The following TAS1R2 variants were observed in gnomAD, a reference collection of about 807,000 sequenced individuals.
The protein encoded by TAS1R2 is taste 1 receptor member 2, also known as taste receptor type 1 member 2.
In TAS1R2, 47 loss-of-function variants were observed where a neutral mutation model predicts 49.3. The ratio of observed to expected loss-of-function variants is 0.95; its 90% CI spans 0.75 to 1.22. The LOEUF (loss-of-function observed/expected upper bound fraction) is 1.22, where lower values mean the gene tolerates loss of function less well. Ranked by LOEUF, TAS1R2 falls within the 50% of genes most tolerant of loss-of-function variation. The probability of loss-of-function intolerance (pLI) is 0.00; values close to 1 mark genes in which losing one functional copy is unlikely to be tolerated. For synonymous variants in TAS1R2, 479 were observed against 467.9 expected, an observed-to-expected ratio of 1.02 and a Z score of -0.31; for missense variants, 1,155 against 1,122.1, an observed-to-expected ratio of 1.03 and a Z score of -0.42.
intron 1 of TAS1R2, 154 bp downstream of exon 1, chr1:18,859,325 T>C: frequency 1.1e-6 from 1 of 948,360 alleles, no homozygotes; most frequent in Non-Finnish European, 1.6e-6. Flanking sequence ...CCCTGAGGAC[T>C]AGGGGCATGG....
chr1:18,857,764 C>G (rs1934167842), intron 1 of TAS1R2, 133 bp from the exon 2 acceptor site: 1 of 1,018,156 alleles, frequency 9.8e-7, no homozygotes, highest in Middle Eastern at 2.5e-4. Flanking sequence ...CTCCAGAAGA[C>G]TCGGGCATTT....
intron 3 of TAS1R2, 87 bp from the exon 4 acceptor site, chr1:18,849,637 C>A: frequency 6.9e-7 from 1 of 1,444,874 alleles, no homozygotes; most frequent in Admixed American, 1.8e-5. Context: ...TTCTACCATT[C>A]CATTAGCCTT....
chr1:18,858,103 CCAT>C (rs1470871179), intron 1 of TAS1R2, among the ~76,000 whole-genome samples: 1 of 151,898 alleles, frequency 6.6e-6, no homozygotes, highest in Admixed American at 6.6e-5. Flanking sequence ...ATCATCACCA[CCAT>C]CACCACCACC....
exon 6 of TAS1R2, chr1:18,840,251 C>G: frequency 1.2e-6 from 2 of 1,613,964 alleles, no homozygotes; most frequent in Non-Finnish European, 1.7e-6. Context: ...CTTGGGCGGC[C>G]CCACGTACAC....
At chr1:18,840,199 G>A (rs1180318514) in exon 6 of TAS1R2, 2 of 1,614,244 alleles carry the variant, frequency 1.2e-6, no homozygotes, top group South Asian at 1.1e-5. Context: ...AGATTGTGAA[G>A]CAGAGGGGAA....
At chr1:18,839,975 A>C (rs902844862) in exon 6 of TAS1R2, 2 of 1,613,926 alleles carry the variant, frequency 1.2e-6, no homozygotes, top group Non-Finnish European at 1.7e-6. Flanking sequence ...GACAATTGTG[A>C]TCTTGGGGTC....
chr1:18,858,557 C>G (rs1446632348), intron 1 of TAS1R2: 2 of 152,426 alleles, frequency 1.3e-5, no homozygotes, highest in African/African-American at 4.8e-5. Flanking sequence ...CTGCCATCAT[C>G]ATCACTACCA....
intron 3 of TAS1R2, among the ~76,000 whole-genome samples, chr1:18,850,801 C>G (rs1479857282): frequency 6.6e-6 from 1 of 152,226 alleles, no homozygotes; most frequent in Non-Finnish European, 1.5e-5. Context: ...TTTCCCCTTC[C>G]CCATCTAGCC....
rs34447754 is a variant in TAS1R2 at position 18,854,521 on chromosome 1, G to A, written c.949C>T (p.Arg317Cys). 7 of 1,613,644 alleles carry A rather than the reference G, an allele frequency of 4.3e-6. No homozygotes were observed. In the Admixed American group the frequency reaches 5.0e-5, roughly 12 times the overall value. The change falls in exon 3 of 6, where the codon CGC (arginine) becomes TGC (cysteine). Residue 317 changes from arginine to cysteine, a missense_variant. Coordinates refer to ENST00000375371, the Ensembl canonical transcript of TAS1R2. The surrounding 1 kb of genome is among the most constrained non-coding windows in gnomAD (Gnocchi z 4.9). ...ATGCCCAGGAAGGTGCCCAAGTGGC[G>A]CAGCTCCGTGAGGTTGTGCAGGACC...
intron 4 of TAS1R2, among the ~76,000 whole-genome samples, chr1:18,843,166 G>A (rs562252321): frequency 3.8e-4 from 58 of 152,308 alleles, no homozygotes; most frequent in Non-Finnish European, 7.3e-5. Flanking sequence ...CCACATGGAA[G>A]TTGTTCATCT....
rs767559928 is a variant in TAS1R2 at position 18,854,993 on chromosome 1, G to C, written c.484-7C>G. On this transcript the variant is annotated splice_polypyrimidine_tract_variant and splice_region_variant and intron_variant, in intron 2 of 5. Coordinates refer to ENST00000375371, the Ensembl canonical transcript of TAS1R2. The surrounding 1 kb of genome is among the most constrained non-coding windows in gnomAD (Gnocchi z 4.9). The stretch of plus-strand genomic sequence containing the variant: ...TGATGGCGCTGTAGGTGATCTGCAA[G>C]GGGAAGGGCTGTGGCATGAGCGAGT... 6.3e-7 allele frequency: 1 copy of C among 1,599,672 alleles called. No homozygotes were observed. Among genetic ancestry groups the C allele is most frequent in the Admixed American group, 1.7e-5 (1 of 59,760 alleles).
rs201051478 is a variant in TAS1R2 at position 18,857,411 on chromosome 1, C to T, written c.403G>A (p.Val135Met). 1.9e-6 allele frequency: 3 copies of T among 1,614,210 alleles called. No homozygotes were observed. In the Admixed American group the frequency reaches 5.0e-5, roughly 27 times the overall value. The change falls in exon 2 of 6, where the codon GTG (valine) becomes ATG (methionine). Residue 135 changes from valine to methionine, a missense_variant. Coordinates refer to ENST00000375371, the Ensembl canonical transcript of TAS1R2. ...TTGTCAGGGCCAATGACAGCCACCA[C>T]ACGGGAAATGTAGTTACTGTAGTCC...
chr1:18,840,587 C>A (rs1466088795), intron 5 of TAS1R2, 60 bp from the exon 6 acceptor site: 16 of 1,583,556 alleles, frequency 1.0e-5, no homozygotes, highest in Admixed American at 1.7e-5. Flanking sequence ...CTGCATCCTC[C>A]CAGCCCTGCA....
chr1:18,844,494 G>T (rs1277667599), intron 4 of TAS1R2, among the ~76,000 whole-genome samples: 1 of 152,204 alleles, frequency 6.6e-6, no homozygotes, highest in Non-Finnish European at 1.5e-5. Context: ...GCTCATGCTT[G>T]TAATCTCAGC....
intron 2 of TAS1R2, among the ~76,000 whole-genome samples, chr1:18,855,571 TC>T (rs1283862711): frequency 6.6e-6 from 1 of 152,062 alleles, no homozygotes; most frequent in Non-Finnish European, 1.5e-5. Flanking sequence ...CCAGCTGCTC[TC>T]CCCCTCCCTT....
intron 3 of TAS1R2, among the ~76,000 whole-genome samples, chr1:18,853,488 A>G (rs1029286668): frequency 1.3e-5 from 2 of 152,172 alleles, no homozygotes; most frequent in African/African-American, 2.4e-5. Context: ...GAGCAAACTA[A>G]TTTGTTCTGT....
At chr1:18,844,175 G>C (rs1450001712) in intron 4 of TAS1R2, among the ~76,000 whole-genome samples, 1 of 152,194 alleles carries the variant, frequency 6.6e-6, no homozygotes, top group African/African-American at 2.4e-5. Flanking sequence ...GGGAGATACT[G>C]CTTGTATGTG....
rs1471034369 is a variant in TAS1R2, at chr1:18,857,276, C to G, written c.483+55G>C. 1.9e-5 allele frequency: 29 copies of G among 1,562,248 alleles called. No individual in the cohort carries two copies. In the East Asian group the frequency reaches 5.9e-4, roughly 32 times the overall value. ...GGAAGTGGCTTCTGAGGCCTCTAGA[C>G]AGCCATTCCTCTGCCCCCCTCCCCA... On this transcript the variant is annotated intron_variant, in intron 2 of 5. Transcript: ENST00000375371.
intron 4 of TAS1R2, among the ~76,000 whole-genome samples, chr1:18,845,076 G>C (rs1435311850): frequency 6.6e-6 from 1 of 152,128 alleles, no homozygotes; most frequent in Non-Finnish European, 1.5e-5. Flanking sequence ...TTCCAGGAAG[G>C]GAATTTTCCT....
Sources: allele counts gnomAD v4.1 joint callset (sites outside exome capture counted in the v4.1 genomes callset), GRCh38; gene constraint gnomAD v4.1.1; non-coding constraint Gnocchi (gnomAD v3.1); transcripts MANE v1.5; gene names NCBI Gene and HGNC (gene_info 2026-07-23, HGNC 2026-07-21).